The following CSMD3 variants were observed in gnomAD, a reference collection of about 807,000 sequenced individuals.
CSMD3 encodes the protein CUB and Sushi multiple domains 3, also known as CUB and sushi domain-containing protein 3.
Under a neutral mutation model 435.2 loss-of-function variants are expected in CSMD3, and 177 were observed. That is an observed-to-expected ratio of 0.41 (90% CI 0.36 to 0.46). The LOEUF is 0.46. CSMD3 is among the 20% of genes least tolerant of loss of function. The pLI is 0.34. For missense variants in CSMD3, 4,265 were observed against 4,504.6 expected (o/e 0.95, Z 1.52); for synonymous variants, 1,656 against 1,520.5 (o/e 1.09, Z -2.07).
chr8:112,573,438 T>C, intron 24 of CSMD3, 63 bp downstream of exon 24: 1 of 1,254,386 alleles, frequency 8.0e-7, no homozygotes, highest in South Asian at 1.2e-5. Flanking sequence ...TTGTGCAATG[T>C]AATTATTTAA....
chr8:112,335,990 G>T (rs574408634), intron 44 of CSMD3, among the ~76,000 whole-genome samples: 6 of 152,196 alleles, frequency 3.9e-5, no homozygotes, highest in African/African-American at 1.4e-4. Flanking sequence ...ACAGCTCACT[G>T]CACCTTTGAC....
At chr8:112,228,629 T>C in intron 70 of CSMD3, 127 bp downstream of exon 70, 3 of 931,346 alleles carry the variant, frequency 3.2e-6, no homozygotes, top group South Asian at 1.4e-5. Flanking sequence ...TCTATGACAA[T>C]AGTTAGCACA....
intron 13 of CSMD3, among the ~76,000 whole-genome samples, chr8:112,708,860 G>A (rs2076553650): frequency 6.6e-6 from 1 of 151,960 alleles, no homozygotes; most frequent in Admixed American, 6.6e-5. Flanking sequence ...GATCAATCAA[G>A]AAAGCCAAAT....
At chr8:113,047,460 A>G (rs748049456) in intron 5 of CSMD3, among the ~76,000 whole-genome samples, 19 of 152,236 alleles carry the variant, frequency 1.2e-4, no homozygotes, top group Non-Finnish European at 2.2e-4. Context: ...TCAACCACAT[A>G]GACAGTATAT....
intron 22 of CSMD3, among the ~76,000 whole-genome samples, chr8:112,617,076 C>T (rs544181480): frequency 5.9e-5 from 9 of 152,202 alleles, no homozygotes; most frequent in Non-Finnish European, 8.8e-5. Flanking sequence ...ATGTGACCTA[C>T]GTGGAAATGT....
intron 17 of CSMD3, among the ~76,000 whole-genome samples, chr8:112,662,819 A>C (rs1483371197): frequency 1.3e-5 from 2 of 152,194 alleles, no homozygotes; most frequent in African/African-American, 4.8e-5. Flanking sequence ...ACTCAAACAA[A>C]TTTACAAGAA....
At chr8:112,540,433 A>T (rs546968215) in intron 27 of CSMD3, among the ~76,000 whole-genome samples, 3 of 152,158 alleles carry the variant, frequency 2.0e-5, no homozygotes, top group African/African-American at 7.2e-5. Flanking sequence ...ATTGCCGGGT[A>T]TTTATCCAAA....
At chr8:112,443,448 A>T (rs1038502584) in intron 32 of CSMD3, among the ~76,000 whole-genome samples, 2 of 152,220 alleles carry the variant, frequency 1.3e-5, no homozygotes, top group African/African-American at 4.8e-5. Context: ...TGCAAAATAT[A>T]TTCATACAAA....
At chr8:113,379,745 A>G (rs9643078) in intron 1 of CSMD3, among the ~76,000 whole-genome samples, 97,951 of 152,070 alleles carry the variant, frequency 0.64, 32,917 homozygotes, top group Admixed American at 0.75. Context: ...ATCTTTGAAC[A>G]AAGTTGAGAT....
chr8:112,945,421 A>T (rs2083572373), intron 9 of CSMD3, among the ~76,000 whole-genome samples: 1 of 151,696 alleles, frequency 6.6e-6, no homozygotes, highest in Non-Finnish European at 1.5e-5. Flanking sequence ...ACAACTTCCC[A>T]TCATAGGCAG....
At chr8:113,350,691 G>A (rs772953197) in intron 1 of CSMD3, among the ~76,000 whole-genome samples, 1 of 151,978 alleles carries the variant, frequency 6.6e-6, no homozygotes, top group Non-Finnish European at 1.5e-5. Context: ...TCATTTCTAA[G>A]TTGCTGCATT....
Position 112,461,517 on chromosome 8 carries a change from G to A in CSMD3, c.5395+11074C>T, listed in dbSNP as rs141788868. On this transcript the variant is annotated intron_variant, in intron 32 of 70. Coordinates refer to ENST00000297405, the MANE Select transcript of CSMD3 (RefSeq NM_198123.2). ...TTTATAGTGAAACTTTGCAAGAAAT[G>A]TTTACTCTCTATATGAATATTCAGG... is the stretch of plus-strand genomic sequence containing the variant. Among the ~76,000 whole-genome samples the A allele has an allele frequency of 8.2e-3, 1,243 of 152,078 alleles. 24 individuals carry two copies. The highest frequency in any genetic ancestry group is 0.028 in the African/African-American group (1,154 of 41,496).
chr8:112,237,218 G>A lies in CSMD3; in HGVS notation c.10599C>T (p.Ser3533=), dbSNP rs2129989251. 1 of 1,613,544 alleles carries A rather than the reference G, an allele frequency of 6.2e-7. No individual in the cohort carries two copies. Among genetic ancestry groups the A allele is most frequent in the Non-Finnish European group, 8.5e-7 (1 of 1,179,606 alleles). ...AAAGTAGCAGCTCCATGTTGCTATTGCTCAGTGTTGCGTTAACTCTCCCAG... is the reference window on the plus strand; with the variant it reads ...AAAGTAGCAGCTCCATGTTGCTATTACTCAGTGTTGCGTTAACTCTCCCAG... ...ASTGRVNATL[S]NSNMELLLSG... Residue 3533 remains serine (S), a synonymous_variant, in exon 67 of 71, where the codon AGC becomes AGT. Coordinates refer to ENST00000297405, the MANE Select transcript of CSMD3 (RefSeq NM_198123.2).
intron 4 of CSMD3, among the ~76,000 whole-genome samples, chr8:113,148,241 C>A (rs1480874921): frequency 6.6e-6 from 1 of 151,676 alleles, no homozygotes; most frequent in Non-Finnish European, 1.5e-5. Context: ...TTTTTCATCA[C>A]ATCTTTATTC....
At chr8:113,255,866 T>C (rs1026772799) in intron 3 of CSMD3, among the ~76,000 whole-genome samples, 7 of 152,056 alleles carry the variant, frequency 4.6e-5, no homozygotes, top group African/African-American at 1.7e-4. Flanking sequence ...TGAACCGTTT[T>C]ACATCCCTTG....
intron 4 of CSMD3, among the ~76,000 whole-genome samples, chr8:113,163,593 T>G (rs1423582229): frequency 2.0e-5 from 3 of 152,038 alleles, no homozygotes; most frequent in Non-Finnish European, 4.4e-5. Context: ...TAGAAAAAAT[T>G]AAGATAATAT....
In CSMD3 at chr8:112,351,221, C is replaced by T. The variant is rs1826108302; in HGVS notation, c.6279G>A (p.Met2093Ile). ...AATTCCATCTTCTTACAGGTCCTGG[C>T]ATACATGTAATGTGAGAGTGACCCT... ...SLQGHSHITC[M>I]PGPVRRWNYP... The change falls in exon 40 of 71, where the codon ATG becomes ATA. Residue 2093 changes from methionine (M) to isoleucine (I), a missense_variant. Met to Ile is a conservative substitution (Grantham distance 10). This residue lies in a region of CSMD3 where 3,255 missense variants were observed against 3,380.2 expected (regional missense o/e 0.96). Coordinates refer to ENST00000297405, the MANE Select transcript of CSMD3 (RefSeq NM_198123.2). 1.2e-6 allele frequency: 2 copies of T among 1,609,248 alleles called. No individual in the cohort carries two copies. Among genetic ancestry groups the T allele is most frequent in the Non-Finnish European group, 1.7e-6 (2 of 1,176,186 alleles).
intron 13 of CSMD3, among the ~76,000 whole-genome samples, chr8:112,715,302 G>T (rs529811125): frequency 6.6e-6 from 1 of 152,176 alleles, no homozygotes; most frequent in South Asian, 2.1e-4. Flanking sequence ...ACACCTCTGT[G>T]CAAATAAACT....
chr8:112,871,704 G>C (rs931947116), intron 10 of CSMD3, among the ~76,000 whole-genome samples: 6 of 152,012 alleles, frequency 3.9e-5, no homozygotes, highest in African/African-American at 1.4e-4. Context: ...CAAGATTTTA[G>C]TCTTTCTACA....
Sources: gnomAD v4.1 joint callset for allele counts (sites outside exome capture counted in the v4.1 genomes callset) on GRCh38, gnomAD v4.1.1 for gene constraint, gnomAD v4.1.1 regional missense constraint, MANE v1.5 for transcripts, NCBI Gene and HGNC (gene_info 2026-07-23, HGNC 2026-07-21) for gene names.